Variants in CDH18 observed in about 807,000 individuals in gnomAD.
CDH18 encodes the protein cadherin 18.
CDH18 carries 31 observed loss-of-function variants against 67.9 expected under a neutral mutation model. That is an observed-to-expected ratio of 0.46 (90% CI 0.34 to 0.62). CDH18 has a LOEUF of 0.62. Among genes scored for constraint, CDH18 ranks in the 20% least tolerant of loss-of-function variants. CDH18 has a pLI of 0.01. For synonymous variants in CDH18, 362 were observed against 347.2 expected (o/e 1.04, Z -0.48); for missense variants, 890 against 975.5 (o/e 0.91, Z 1.17).
chr5:19,537,839 T>TTATTAATAA (rs1749661539), intron 9 of CDH18, among the ~76,000 whole-genome samples: 1 of 152,200 alleles, frequency 6.6e-6, no homozygotes, highest in East Asian at 1.9e-4. Flanking sequence ...GCAAGTATCA[T>TTATTAATAA]TTATTAATAT....
chr5:19,636,958 G>T (rs921444320), intron 5 of CDH18, among the ~76,000 whole-genome samples: 1 of 152,084 alleles, frequency 6.6e-6, no homozygotes, highest in African/African-American at 2.4e-5. Context: ...CTTTAAGCGA[G>T]AAATGACAGA....
At chr5:20,249,158 A>G (rs1743612467) in intron 2 of CDH18, among the ~76,000 whole-genome samples, 1 of 152,200 alleles carries the variant, frequency 6.6e-6, no homozygotes, top group Admixed American at 6.5e-5. Context: ...TGAAGACAAA[A>G]GGGAAGAGCA....
chr5:20,080,940 T>C (rs1286023252), intron 2 of CDH18, among the ~76,000 whole-genome samples: 4 of 152,110 alleles, frequency 2.6e-5, no homozygotes, highest in Non-Finnish European at 5.9e-5. Context: ...CCTCTAATAT[T>C]GCATTAGTTA....
chr5:20,408,696 A>G (rs1292019975), intron 1 of CDH18, among the ~76,000 whole-genome samples: 1 of 151,926 alleles, frequency 6.6e-6, no homozygotes, highest in African/African-American at 2.4e-5. Flanking sequence ...ACTAAGAAGA[A>G]CAGAAATTAA....
chr5:20,366,232 T>C (rs1742506840), intron 1 of CDH18, among the ~76,000 whole-genome samples: 1 of 152,182 alleles, frequency 6.6e-6, no homozygotes, highest in African/African-American at 2.4e-5. Context: ...CCCTATCTCA[T>C]TTCACAGGAT....
At chr5:19,892,880 A>G (rs2150088537) in intron 2 of CDH18, among the ~76,000 whole-genome samples, 1 of 152,306 alleles carries the variant, frequency 6.6e-6, no homozygotes, top group Middle Eastern at 3.4e-3. Flanking sequence ...TAATTTCTTG[A>G]TCCACAAAAG....
intron 9 of CDH18, among the ~76,000 whole-genome samples, chr5:19,527,849 T>C (rs866571926): frequency 1.3e-5 from 2 of 151,788 alleles, no homozygotes; most frequent in South Asian, 4.1e-4. Context: ...CAGTACATTA[T>C]TTTGTTCCAG....
At chr5:20,462,672 C>T (rs1508548) in intron 1 of CDH18, among the ~76,000 whole-genome samples, 63,500 of 151,962 alleles carry the variant, frequency 0.42, 14,733 homozygotes, top group Non-Finnish European at 0.52. Context: ...TAAATGCATA[C>T]CATATGCCTG....
intron 1 of CDH18, among the ~76,000 whole-genome samples, chr5:20,307,648 G>A (rs1378603803): frequency 6.6e-6 from 1 of 152,078 alleles, no homozygotes; most frequent in African/African-American, 2.4e-5. Context: ...TTGGAAAATA[G>A]AACCTGAAAT....
chr5:19,645,688 T>C (rs889599353), intron 5 of CDH18, among the ~76,000 whole-genome samples: 1 of 152,148 alleles, frequency 6.6e-6, no homozygotes, highest in African/African-American at 2.4e-5. Flanking sequence ...AATAAGCACG[T>C]CCTAAGGCAG....
chr5:20,069,505 C>T (rs1445849483), intron 2 of CDH18, among the ~76,000 whole-genome samples: 3 of 152,012 alleles, frequency 2.0e-5, no homozygotes, highest in East Asian at 3.9e-4. Flanking sequence ...CTCCACCTCC[C>T]GGGTTCAAGC....
intron 2 of CDH18, among the ~76,000 whole-genome samples, chr5:20,151,147 C>A (rs937892228): frequency 6.6e-6 from 1 of 151,892 alleles, no homozygotes; most frequent in Admixed American, 6.6e-5. Flanking sequence ...TTCATACCCC[C>A]CTTTCTCTCC....
At chr5:20,537,673 C>T (rs1171528452) in intron 1 of CDH18, among the ~76,000 whole-genome samples, 1 of 152,004 alleles carries the variant, frequency 6.6e-6, no homozygotes, top group East Asian at 1.9e-4. Context: ...AAACACTGAA[C>T]AGCTACAATT....
chr5:19,931,506 A>T (rs893167147), intron 2 of CDH18, among the ~76,000 whole-genome samples: 4 of 151,956 alleles, frequency 2.6e-5, no homozygotes, highest in South Asian at 2.1e-4. Context: ...CCTAATAAAA[A>T]TTTTTCTGCT....
intron 1 of CDH18, among the ~76,000 whole-genome samples, chr5:20,280,676 A>G (rs1334071119): frequency 2.6e-5 from 4 of 152,218 alleles, no homozygotes; most frequent in African/African-American, 9.7e-5. Context: ...ATATGTGTGC[A>G]TGTGTTTTTA....
chr5:19,715,862 G>T (rs1250393817), intron 5 of CDH18, among the ~76,000 whole-genome samples: 4 of 147,628 alleles, frequency 2.7e-5, no homozygotes, highest in Non-Finnish European at 5.9e-5. Context: ...TGCCACTTAG[G>T]CTGGAGTGCA....
chr5:19,635,645 A>G (rs2150199491), intron 5 of CDH18, among the ~76,000 whole-genome samples: 1 of 152,276 alleles, frequency 6.6e-6, no homozygotes, highest in East Asian at 1.9e-4. Flanking sequence ...CAAACAAACA[A>G]AGAGTATAAA....
At chr5:20,221,010 A>C (rs1276968886) in intron 2 of CDH18, among the ~76,000 whole-genome samples, 1 of 152,110 alleles carries the variant, frequency 6.6e-6, no homozygotes, top group Admixed American at 6.6e-5. Flanking sequence ...GACCCCTTGT[A>C]CACCGTTGGT....
intron 2 of CDH18, among the ~76,000 whole-genome samples, chr5:20,242,623 T>TAC (rs1209720651): frequency 2.1e-4 from 25 of 119,262 alleles, no homozygotes; most frequent in South Asian, 5.0e-4. Context: ...TATATATATA[T>TAC]ATATATATAT....
Sources: gnomAD v4.1 joint callset for allele counts (sites outside exome capture counted in the v4.1 genomes callset) on GRCh38, gnomAD v4.1.1 for gene constraint, MANE v1.5 for transcripts, NCBI Gene and HGNC (gene_info 2026-07-23, HGNC 2026-07-21) for gene names.